The following RIMKLB variants were observed in gnomAD, a reference collection of about 807,000 sequenced individuals.
RIMKLB encodes beta-citrylglutamate synthase B.
In RIMKLB, 7 loss-of-function variants were observed where a neutral mutation model predicts 32.0. That is an observed-to-expected ratio of 0.22 (90% CI 0.12 to 0.41). RIMKLB has a LOEUF of 0.41. RIMKLB is among the 10% of genes least tolerant of loss of function. The pLI, the probability that RIMKLB is intolerant of heterozygous loss-of-function variation, is 1.00. For synonymous variants in RIMKLB, 172 were observed against 185.1 expected, an observed-to-expected ratio of 0.93 and a Z score of 0.57; for missense variants, 289 against 498.7, an observed-to-expected ratio of 0.58 and a Z score of 4.00.
chr12:8,705,629 G>A (rs1204317591), intron 1 of RIMKLB, among the ~76,000 whole-genome samples: 1 of 152,142 alleles, frequency 6.6e-6, no homozygotes, highest in Non-Finnish European at 1.5e-5. Context: ...ATCAGTCAGG[G>A]TTCTCCAGGG....
At position 8,713,845 on chromosome 12, in the gene RIMKLB, A is replaced by G. The variant is rs371925706; in HGVS notation, c.-22A>G. On this transcript the variant is annotated 5_prime_UTR_variant, in exon 2 of 6. Transcript: ENST00000535829. Reference sequence around the variant, plus strand: ...ACATCCAAGAGGAAATAATCCAGGCAAGGAAGCACAAGCTGATCAAGATGT... The same window carrying G: ...ACATCCAAGAGGAAATAATCCAGGCGAGGAAGCACAAGCTGATCAAGATGT... The G allele has an allele frequency of 1.2e-6, 2 of 1,613,672 alleles. No homozygotes were observed. Among genetic ancestry groups the G allele is most frequent in the Non-Finnish European group, 1.7e-6 (2 of 1,179,716 alleles).
In RIMKLB at chr12:8,765,135, G is replaced by A. The variant is rs1350414920; in HGVS notation, c.698-8186G>A. On this transcript the variant is annotated intron_variant, in intron 5 of 5. Coordinates refer to ENST00000535829, the MANE Select transcript of RIMKLB (RefSeq NM_001297776.2). ...AGATTAGTTGGCCTTTAATAGCCAG[G>A]TGACAGGGAGGAATGCTTCCTCAGT... Among the ~76,000 whole-genome samples, 3 of 151,940 alleles carry A rather than the reference G, an allele frequency of 2.0e-5. No individual in the cohort carries two copies. The South Asian group carries it at 6.2e-4, about 32-fold the overall frequency.
chr12:8,683,306 G>C (rs1269987698), intron 1 of RIMKLB, among the ~76,000 whole-genome samples: 1 of 152,148 alleles, frequency 6.6e-6, no homozygotes, highest in Non-Finnish European at 1.5e-5. Context: ...CATATGGTAA[G>C]AGTATGTTTA....
At chr12:8,759,530 T>C (rs1949344657) in intron 5 of RIMKLB, among the ~76,000 whole-genome samples, 4 of 152,236 alleles carry the variant, frequency 2.6e-5, no homozygotes, top group Admixed American at 2.6e-4. Flanking sequence ...CCATGAACGA[T>C]GAGAGAATCT....
chr12:8,718,665 ATATATGTGTGTGTGTGTGTGTG>A (rs1295569079), intron 2 of RIMKLB, among the ~76,000 whole-genome samples: 12 of 104,246 alleles, frequency 1.2e-4, no homozygotes, highest in African/African-American at 3.9e-4. Context: ...ATATATATAT[ATATATGTGTGTGTGTGTGTGTG>A]TGTGTGTGTG....
At chr12:8,717,248 A>G (rs934685198) in intron 2 of RIMKLB, among the ~76,000 whole-genome samples, 1 of 152,124 alleles carries the variant, frequency 6.6e-6, no homozygotes, top group South Asian at 2.1e-4. Flanking sequence ...TACAGTGAAA[A>G]TACTAAAAAC....
At chr12:8,777,470 G>T, downstream of RIMKLB, 1 of 1,108,234 alleles carries the variant, frequency 9.0e-7, no homozygotes. Flanking sequence ...CCTAACTCTA[G>T]TGAAAATTCT....
At chr12:8,682,661 A>G (rs1942444202) in intron 1 of RIMKLB, among the ~76,000 whole-genome samples, 1 of 151,430 alleles carries the variant, frequency 6.6e-6, no homozygotes, top group Non-Finnish European at 1.5e-5. Context: ...AGTCCCAGCT[A>G]CTCGGGAGGC....
At chr12:8,765,551 A>G (rs941008997) in intron 5 of RIMKLB, among the ~76,000 whole-genome samples, 11 of 152,256 alleles carry the variant, frequency 7.2e-5, no homozygotes, top group African/African-American at 2.2e-4. Flanking sequence ...TAAACCACCA[A>G]TATAGCCATC....
intron 2 of RIMKLB, among the ~76,000 whole-genome samples, chr12:8,736,076 G>A (rs1267746268): frequency 6.6e-6 from 1 of 152,178 alleles, no homozygotes; most frequent in East Asian, 1.9e-4. Context: ...AGTGCAGCAA[G>A]TTAACCAATT....
intron 4 of RIMKLB, 120 bp from the exon 5 acceptor site, chr12:8,753,770 T>TA (rs57839091): frequency 2.3e-3 from 1,658 of 712,090 alleles, no homozygotes; most frequent in East Asian, 3.5e-3. Flanking sequence ...AAAGAAAACT[T>TA]AAAAAAAAAA....
At chr12:8,767,704 A>G (rs2138156892) in intron 5 of RIMKLB, among the ~76,000 whole-genome samples, 1 of 152,274 alleles carries the variant, frequency 6.6e-6, no homozygotes, top group African/African-American at 2.4e-5. Context: ...GCCCTCAGCT[A>G]TCCCAGGAAA....
At chr12:8,760,486 AT>A (rs1949426744) in intron 5 of RIMKLB, among the ~76,000 whole-genome samples, 2 of 152,168 alleles carry the variant, frequency 1.3e-5, no homozygotes, top group Admixed American at 6.5e-5. Flanking sequence ...GTCAAATGGT[AT>A]TTCTAGTTAT....
rs759189533 is a variant in RIMKLB, at chr12:8,732,051, T to C, written c.176-17811T>C. On this transcript the variant is annotated intron_variant, in intron 2 of 5. Transcript: ENST00000535829. ...TTTGTTTCTTGCTGAATAGTAACTT[T>C]GGTTGCTTCTGCTTGGTGTCTTGGG... Among the ~76,000 whole-genome samples, 5 of 152,150 alleles carry C rather than the reference T, an allele frequency of 3.3e-5. No homozygotes were observed. The East Asian group carries it at 9.7e-4, about 29-fold the overall frequency.
chr12:8,687,172 A>C (rs1279122201), intron 1 of RIMKLB, among the ~76,000 whole-genome samples: 1 of 152,230 alleles, frequency 6.6e-6, no homozygotes. Context: ...ATTTCAGATA[A>C]ACAATATAAT....
At chr12:8,734,633 GT>G (rs1307634656) in intron 2 of RIMKLB, among the ~76,000 whole-genome samples, 3 of 152,086 alleles carry the variant, frequency 2.0e-5, no homozygotes, top group Admixed American at 6.6e-5. Flanking sequence ...CCTTGATTTT[GT>G]TTTTGTTGGT....
intron 2 of RIMKLB, among the ~76,000 whole-genome samples, chr12:8,736,374 C>T (rs1433188724): frequency 1.3e-5 from 2 of 152,078 alleles, no homozygotes; most frequent in Non-Finnish European, 2.9e-5. Flanking sequence ...AAAAATAATA[C>T]AAATAGCTCG....
rs1403041311 is a variant in RIMKLB, at chr12:8,776,498, G to A, written c.*2714G>A. On this transcript the variant is annotated 3_prime_UTR_variant, in exon 6 of 6. Transcript: ENST00000535829. ...GAGAGAGAATGTATATATCAAATATGTGTAATGATAAAATCTGAATTGTAA... is the reference window on the plus strand; with the variant it reads ...GAGAGAGAATGTATATATCAAATATATGTAATGATAAAATCTGAATTGTAA... The A allele has an allele frequency of 1.4e-6, 1 of 713,162 alleles. No individual in the cohort carries two copies. The highest frequency in any genetic ancestry group is 1.7e-6 in the Non-Finnish European group (1 of 582,076). The allele number at this position is 713,162 out of a possible 1,614,324, so 44.2% of individuals were successfully genotyped here.
chr12:8,770,085 A>G (rs1950284650), intron 5 of RIMKLB, among the ~76,000 whole-genome samples: 1 of 151,008 alleles, frequency 6.6e-6, no homozygotes, highest in African/African-American at 2.4e-5. Flanking sequence ...TGATTCTCCT[A>G]TCTTGGCCTC....
Sources: allele counts gnomAD v4.1 joint callset (sites outside exome capture counted in the v4.1 genomes callset), GRCh38; gene constraint gnomAD v4.1.1; transcripts MANE v1.5; gene names NCBI Gene and HGNC (gene_info 2026-07-23, HGNC 2026-07-21).